The following SACS variants were observed in gnomAD, a reference collection of about 807,000 sequenced individuals.
The protein encoded by SACS is sacsin molecular chaperone, also known as sacsin.
Under a neutral mutation model 348.0 loss-of-function variants are expected in SACS, and 197 were observed. That is an observed-to-expected ratio of 0.57 (90% CI 0.50 to 0.64). The LOEUF is 0.64. SACS is among the 30% of genes least tolerant of loss of function. The probability of loss-of-function intolerance (pLI) is 0.00; values close to 1 mark genes in which losing one functional copy is unlikely to be tolerated. For missense variants in SACS, 4,999 were observed against 5,360.8 expected (o/e 0.93, Z 2.11); for synonymous variants, 1,985 against 1,910.6 (o/e 1.04, Z -1.02).
intron 3 of SACS, 22 bp from the exon 4 acceptor site, chr13:23,371,187 T>C (rs752507070): frequency 1.0e-5 from 16 of 1,529,514 alleles, no homozygotes; most frequent in African/African-American, 1.4e-5. Context: ...CAAAAGAAAA[T>C]GTATGAAAAG....
intron 2 of SACS, among the ~76,000 whole-genome samples, chr13:23,387,950 G>T (rs1872362897): frequency 6.6e-6 from 1 of 152,128 alleles, no homozygotes; most frequent in African/African-American, 2.4e-5. Flanking sequence ...AAAAACAATA[G>T]ATGTTGGCAT....
In SACS at chr13:23,354,634, AG is replaced by A. The variant is rs947484270; in HGVS notation, c.1977del (p.Tyr660ThrfsTer54). The A allele has an allele frequency of 6.2e-7, 1 of 1,614,142 alleles. No homozygotes were observed. Among genetic ancestry groups the A allele is most frequent in the African/African-American group, 1.3e-5 (1 of 74,952 alleles). ...HLLEFVLSDQAYSELLGLELL... is the reference protein window; with the variant it reads ...HLLEFVLSDQXYSELLGLELL... ...AGCTCCAGCCCAAGCAGCTCACTGT[AG>A]GCTTGGTCAGAAAGCACAAATTCTA... On this transcript the variant is annotated frameshift_variant, in exon 8 of 10. Transcript: ENST00000382292. LOFTEE classifies it high-confidence loss of function.
chr13:23,429,406 G>T (rs376077924), intron 1 of SACS, among the ~76,000 whole-genome samples: 1 of 119,990 alleles, frequency 8.3e-6, no homozygotes, highest in Non-Finnish European at 1.6e-5. Context: ...TCTGTCACCC[G>T]GGCTGGAGTG....
At chr13:23,405,871 T>TA (rs1345945355) in intron 2 of SACS, among the ~76,000 whole-genome samples, 3 of 152,078 alleles carry the variant, frequency 2.0e-5, no homozygotes, top group African/African-American at 7.2e-5. Context: ...TGGTGATCAT[T>TA]AAAAAGTCAG....
chr13:23,350,844 A>G (rs1566077067), intron 9 of SACS, among the ~76,000 whole-genome samples: 1 of 152,174 alleles, frequency 6.6e-6, no homozygotes, highest in Non-Finnish European at 1.5e-5. Context: ...GATGACTTAC[A>G]TGATTGGTAA....
chr13:23,356,632 C>A (rs1870410112), intron 7 of SACS, among the ~76,000 whole-genome samples: 1 of 152,230 alleles, frequency 6.6e-6, no homozygotes, highest in Admixed American at 6.5e-5. Context: ...TTCACCTGTT[C>A]CTCAACCAAG....
intron 2 of SACS, among the ~76,000 whole-genome samples, chr13:23,381,313 G>A (rs896566807): frequency 6.6e-6 from 1 of 151,090 alleles, no homozygotes; most frequent in Non-Finnish European, 1.5e-5. Context: ...GCTCTCCAGC[G>A]CATGGCAATA....
At chr13:23,356,735 T>C (rs1457944088) in intron 7 of SACS, among the ~76,000 whole-genome samples, 2 of 152,142 alleles carry the variant, frequency 1.3e-5, no homozygotes, top group Admixed American at 1.3e-4. Context: ...TTGGTGAAGA[T>C]CTCCCAAGGG....
chr13:23,359,867 T>A (rs1049150115), intron 6 of SACS, among the ~76,000 whole-genome samples: 2 of 152,086 alleles, frequency 1.3e-5, no homozygotes, highest in Non-Finnish European at 2.9e-5. Context: ...CATCCTCCCA[T>A]CAATTCAGGG....
At chr13:23,374,472 A>G (rs1304253414) in intron 3 of SACS, among the ~76,000 whole-genome samples, 1 of 152,266 alleles carries the variant, frequency 6.6e-6, no homozygotes, top group African/African-American at 2.4e-5. Flanking sequence ...GTTTATTAGA[A>G]AAAAAGAAAT....
intron 9 of SACS, among the ~76,000 whole-genome samples, chr13:23,348,253 G>A (rs1340164631): frequency 6.6e-6 from 1 of 152,118 alleles, no homozygotes; most frequent in East Asian, 1.9e-4. Context: ...ATTTCTTTGA[G>A]CTTCAATGTC....
Position 23,355,155 on chromosome 13 carries a change from C to T in SACS, c.1457G>A (p.Arg486Lys). ...CTCATTCCATAAGGCTGCCGGGTCT[C>T]TCCACTGGTCCAGCTCTCTCCATTT... ...SIKWRELDQW[R>K]DPAALWNEFL... Residue 486 changes from arginine to lysine, a missense_variant, in exon 8 of 10, where the codon AGA (arginine) becomes AAA (lysine). This residue lies in a region of SACS where 3,156 missense variants were observed against 3,380.1 expected (regional missense o/e 0.93). Transcript: ENST00000382292. The T allele has an allele frequency of 1.9e-6, 3 of 1,614,214 alleles. No individual in the cohort carries two copies. Among genetic ancestry groups the T allele is most frequent in the Non-Finnish European group, 2.5e-6 (3 of 1,180,050 alleles).
intron 1 of SACS, among the ~76,000 whole-genome samples, chr13:23,418,642 C>A (rs7991976): frequency 0.54 from 81,605 of 151,826 alleles, 22,656 homozygotes; most frequent in East Asian, 0.68. Context: ...AGTAGTTGGG[C>A]TTACAGGCAC....
chr13:23,427,613 T>C (rs1393267594), intron 1 of SACS: 1 of 152,264 alleles, frequency 6.6e-6, no homozygotes, highest in Non-Finnish European at 1.5e-5. Context: ...GCCAGGAGAC[T>C]GGGGACTTAA....
intron 2 of SACS, among the ~76,000 whole-genome samples, chr13:23,410,874 T>G (rs926598721): frequency 6.6e-6 from 1 of 152,184 alleles, no homozygotes; most frequent in Admixed American, 6.5e-5. Context: ...TATTTCACAG[T>G]TGTTTATTTT....
Position 23,330,399 on chromosome 13 carries a change from T to A in SACS, c.13477A>T (p.Arg4493Trp). Residue 4493 changes from arginine to tryptophan, a missense_variant, in exon 10 of 10, where the codon AGG (arginine) becomes TGG (tryptophan). Arg to Trp is a moderately radical substitution (Grantham distance 101). Coordinates refer to ENST00000382292, the MANE Select transcript of SACS (RefSeq NM_014363.6). ...TTTACATCTTTATCAGACTTTCCCC[T>A]CACAGCATAGTCAGCTGCAATCAAA... ...LALIAADYAV[R>W]GKSDKDVKPT... The A allele has an allele frequency of 6.2e-7, 1 of 1,614,184 alleles. No homozygotes were observed. The highest frequency in any genetic ancestry group is 1.1e-5 in the South Asian group (1 of 91,084).
chr13:23,372,823 C>T (rs878480), intron 3 of SACS, among the ~76,000 whole-genome samples: 39,775 of 152,112 alleles, frequency 0.26, 7,449 homozygotes, highest in African/African-American at 0.53. Context: ...ACACCCATCC[C>T]CCACATCCAC....
Position 23,375,119 on chromosome 13 carries a change from C to T in SACS, c.171G>A (p.Glu57=), listed in dbSNP as rs772298903. Residue 57 remains glutamate (E), a splice_region_variant and synonymous_variant, in exon 3 of 10, where the codon GAG becomes GAA. Coordinates refer to ENST00000382292, the MANE Select transcript of SACS (RefSeq NM_014363.6). ...SEQRLWRGGR[E]LSDWIKIGDL... ...CCCAGCGCCCCCGGCCACCGCCTAC[C>T]TCGCGGCCGCCGCGCCACAGCCGCT... 4 of 1,494,496 alleles carry T rather than the reference C, an allele frequency of 2.7e-6. No homozygotes were observed. The African/African-American group carries it at 5.9e-5, about 22-fold the overall frequency. 92.6% of individuals were successfully genotyped at this position (1,494,496 alleles called of 1,614,324 possible).
At chr13:23,365,326 A>G in intron 5 of SACS, 49 bp from the exon 6 acceptor site, 2 of 1,006,866 alleles carry the variant, frequency 2.0e-6, no homozygotes, top group South Asian at 3.0e-5. Flanking sequence ...ACAGTAATCT[A>G]CTGCTCATCT....
Sources: gnomAD v4.1 joint callset for allele counts (sites outside exome capture counted in the v4.1 genomes callset) on GRCh38, gnomAD v4.1.1 for gene constraint, gnomAD v4.1.1 regional missense constraint, MANE v1.5 for transcripts, NCBI Gene and HGNC (gene_info 2026-07-23, HGNC 2026-07-21) for gene names.